Variants in AQP6 observed in about 807,000 individuals in gnomAD.
AQP6 encodes the protein aquaporin-6.
A neutral mutation model predicts 16.3 loss-of-function variants in AQP6; 14 were observed. That is an observed-to-expected ratio of 0.86 (90% confidence interval 0.57 to 1.34). The LOEUF is 1.34. Among genes scored for constraint, AQP6 ranks in the 40% most tolerant of loss-of-function variants. AQP6 has a pLI of 0.00. For synonymous variants in AQP6, 178 were observed against 166.8 expected (o/e 1.07, Z -0.52); for missense variants, 331 against 379.7 (o/e 0.87, Z 1.07).
Position 49,975,658 on chromosome 12 carries a change from T to C in AQP6, c.836T>C (p.Met279Thr). ...ESQPGSGAVE[M>T]ESV ...CAGCCGGGTTCGGGAGCCGTGGAGA[T>C]GGAGAGTGTGTGAAACAGCCTACGC... is the stretch of plus-strand genomic sequence containing the variant. The change falls in exon 4 of 4, where the codon ATG (methionine) becomes ACG (threonine). Residue 279 changes from methionine to threonine, a missense_variant. Physicochemically the swap from Met to Thr is moderately conservative, Grantham distance 81 (BLOSUM62 -1). Transcript: ENST00000315520. This position sits in a 1 kb window ranked among gnomAD's most constrained non-coding sequence, Gnocchi z 4.4. The C allele has an allele frequency of 6.4e-7, 1 of 1,574,318 alleles. No homozygotes were observed. The highest frequency in any genetic ancestry group is 8.6e-7 in the Non-Finnish European group (1 of 1,165,174).
At chr12:49,973,655 C>T (rs1184300252) in intron 1 of AQP6, 80 bp downstream of exon 1, 17 of 1,463,430 alleles carry the variant, frequency 1.2e-5, no homozygotes, top group Non-Finnish European at 1.4e-5. Context: ...AGGACGGAGG[C>T]GAGGGAGCAA....
In AQP6 at chr12:49,974,401, C is replaced by T. The variant is rs776295486; in HGVS notation, c.480C>T (p.Phe160=). The T allele has an allele frequency of 1.1e-5, 17 of 1,613,730 alleles. No individual in the cohort carries two copies. The highest frequency in any genetic ancestry group is 3.3e-4 in the Middle Eastern group (2 of 6,084). The change falls in exon 2 of 4, where the codon TTC becomes TTT. Residue 160 remains phenylalanine, a synonymous_variant. Transcript: ENST00000315520. ...LLTLQLVLCV[F]ASTDSRQTSG... ...CCCTGCAGCTGGTGCTCTGTGTCTT[C>T]GCTTCCACCGACAGCCGTCAGACAT...
At chr12:49,974,093 G>A (rs1252977496) in intron 1 of AQP6, 2 of 1,247,938 alleles carry the variant, frequency 1.6e-6, no homozygotes, top group Non-Finnish European at 1.0e-6. Flanking sequence ...CTGAACCACT[G>A]GCCCCAACCA....
rs1947576524 is a variant in AQP6 at position 49,976,670 on chromosome 12, A to C, written c.*999A>C. 7.8e-6 allele frequency: 3 copies of C among 387,090 alleles called. No individual in the cohort carries two copies. The South Asian group carries it at 1.5e-4, about 19-fold the overall frequency. 24.0% of individuals were successfully genotyped at this position (387,090 alleles called of 1,614,324 possible). A position where few individuals can be genotyped will look rare whatever the true frequency, so the allele number is the denominator to read the frequency against. On this transcript the variant is annotated 3_prime_UTR_variant, in exon 4 of 4. Coordinates refer to ENST00000315520, the MANE Select transcript of AQP6 (RefSeq NM_001652.4). Reference sequence around the variant, plus strand: ...GGATAGAGGAAGGGAGGTTTGAGCCAGACAGGCCTTTCCCAGGGAAGCCTC... The same window carrying C: ...GGATAGAGGAAGGGAGGTTTGAGCCCGACAGGCCTTTCCCAGGGAAGCCTC...
At chr12:49,974,004 G>A (rs981487340) in intron 1 of AQP6, 14 of 1,165,462 alleles carry the variant, frequency 1.2e-5, no homozygotes, top group Admixed American at 4.2e-5. Flanking sequence ...TCTCCATTTC[G>A]TAACCATCTG....
chr12:49,973,201 G>A lies in AQP6; in HGVS notation c.28G>A (p.Gly10Ser), dbSNP rs149436032. ...GGATGCAGTGGAGCCAGGGGGACGT[G>A]GCTGGGCCAGCATGTTGGCGTGCAG... is the stretch of plus-strand genomic sequence containing the variant. MDAVEPGGR[G>S]WASMLACRLW... The change falls in exon 1 of 4, where the codon GGC becomes AGC. Residue 10 changes from glycine (G) to serine (S), a missense_variant. Coordinates refer to ENST00000315520, the MANE Select transcript of AQP6 (RefSeq NM_001652.4). 13 of 1,611,404 alleles carry A rather than the reference G, an allele frequency of 8.1e-6. No individual in the cohort carries two copies. The African/African-American group carries it at 1.6e-4, about 20-fold the overall frequency.
intron 1 of AQP6, chr12:49,973,777 C>A: frequency 9.3e-7 from 1 of 1,080,718 alleles, no homozygotes; most frequent in Non-Finnish European, 1.3e-6. Flanking sequence ...GATAGTGGCG[C>A]GAAGAACAGG....
At position 49,975,262 on chromosome 12, in the gene AQP6, G is replaced by C. The variant is rs1947562778; in HGVS notation, c.643-203G>C. On this transcript the variant is annotated intron_variant, in intron 3 of 3. Coordinates refer to ENST00000315520, the MANE Select transcript of AQP6 (RefSeq NM_001652.4). The surrounding 1 kb of genome is among the most constrained non-coding windows in gnomAD (Gnocchi z 4.4). ...CTGCAGAGCCTGGGCTCAGCCCCAG[G>C]GAGGGCAGGGAGAGCAAGGGGCAAG... The C allele has an allele frequency of 2.2e-6, 3 of 1,360,402 alleles. No individual in the cohort carries two copies. In the African/African-American group the frequency reaches 4.4e-5, roughly 20 times the overall value. The allele number at this position is 1,360,402 out of a possible 1,614,324, so 84.3% of individuals were successfully genotyped here.
Position 49,973,405 on chromosome 12 carries a change from G to A in AQP6, c.232G>A (p.Gly78Arg), listed in dbSNP as rs778196962. The A allele has an allele frequency of 2.4e-5, 38 of 1,612,722 alleles. No homozygotes were observed. In the South Asian group the frequency reaches 3.1e-4, roughly 13 times the overall value. ...MAVQVTWKAS[G>R]AHANPAVTLA... ...TGTGCAGGTCACCTGGAAGGCCAGC[G>A]GGGCCCACGCCAACCCCGCCGTGAC... The change falls in exon 1 of 4, where the codon GGG becomes AGG. Residue 78 changes from glycine to arginine, a missense_variant. Gly to Arg is a moderately radical substitution (Grantham distance 125, BLOSUM62 -2). Coordinates refer to ENST00000315520, the MANE Select transcript of AQP6 (RefSeq NM_001652.4).
intron 1 of AQP6, chr12:49,974,066 C>T: frequency 8.1e-7 from 1 of 1,237,548 alleles, no homozygotes; most frequent in Non-Finnish European, 1.0e-6. Flanking sequence ...CTGCCAGTCT[C>T]CTCTCAAGCA....
At position 49,973,496 on chromosome 12, in the gene AQP6, T is replaced by TGGTGGGGGCCAC. The variant is rs758638227; in HGVS notation, c.333_344dup (p.Thr112_Ala115dup). 6.2e-7 allele frequency: 1 copy of TGGTGGGGGCCAC among 1,613,828 alleles called. No homozygotes were observed. The highest frequency in any genetic ancestry group is 2.2e-5 in the East Asian group (1 of 44,874). ...GCTGTGGCCTATGTGGCTGCCCAGC[T>TGGTGGGGGCCAC]GGTGGGGGCCACGGTGGGGGCTGCT... On this transcript the variant is annotated inframe_insertion, in exon 1 of 4. Coordinates refer to ENST00000315520, the MANE Select transcript of AQP6 (RefSeq NM_001652.4).
rs1457933743 is a variant in AQP6 at position 49,975,507 on chromosome 12, C to G, written c.685C>G (p.Leu229Val). ...CCTGATGGGAGCCCTCCTGGCCTCA[C>G]TGATCTACAACTTCGTCCTGTTCCC... ...GPLMGALLAS[L>V]IYNFVLFPDT... The change falls in exon 4 of 4, where the codon CTG becomes GTG. Residue 229 changes from leucine (L) to valine (V), a missense_variant. Coordinates refer to ENST00000315520, the MANE Select transcript of AQP6 (RefSeq NM_001652.4). This position sits in a 1 kb window ranked among gnomAD's most constrained non-coding sequence, Gnocchi z 4.4. The G allele has an allele frequency of 6.0e-5, 96 of 1,612,616 alleles. No homozygotes were observed. Among genetic ancestry groups the G allele is most frequent in the Non-Finnish European group, 7.9e-5 (93 of 1,179,552 alleles).
Position 49,975,637 on chromosome 12 carries a change from CG to C in AQP6, c.818del (p.Gly273ValfsTer62). ...GAGCCCCTGAAGAAGGAATCCCAGC[CG>C]GGTTCGGGAGCCGTGGAGATGGAGA... ...GAEPLKKESQ[P>X]GSGAVEMESV On this transcript the variant is annotated frameshift_variant, in exon 4 of 4. Transcript: ENST00000315520. LOFTEE classifies it high-confidence loss of function. This position sits in a 1 kb window ranked among gnomAD's most constrained non-coding sequence, Gnocchi z 4.4. 1.3e-6 allele frequency: 2 copies of C among 1,589,990 alleles called. No homozygotes were observed. The highest frequency in any genetic ancestry group is 1.7e-6 in the Non-Finnish European group (2 of 1,172,106).
rs1445183103 is a variant in AQP6 at position 49,974,407 on chromosome 12, CACCG to C, written c.489_492del (p.Asp164AlafsTer11). On this transcript the variant is annotated frameshift_variant, in exon 2 of 4. Transcript: ENST00000315520. LOFTEE classifies it high-confidence loss of function. Reference sequence around the variant, plus strand: ...AGCTGGTGCTCTGTGTCTTCGCTTCCACCGACAGCCGTCAGACATCAGGCTCCCC... The same window carrying C: ...AGCTGGTGCTCTGTGTCTTCGCTTCCACAGCCGTCAGACATCAGGCTCCCC... 6.2e-7 allele frequency: 1 copy of C among 1,613,772 alleles called. No individual in the cohort carries two copies. The highest frequency in any genetic ancestry group is 8.5e-7 in the Non-Finnish European group (1 of 1,179,844).
Position 49,973,709 on chromosome 12 carries a change from G to T in AQP6, c.402+134G>T, listed in dbSNP as rs568365062. Reference sequence around the variant, plus strand: ...TGCAGGCTCCACATCCTCCCGGGCTGGGCCCCAGGACCCAGAGGACTGAGA... The same window carrying T: ...TGCAGGCTCCACATCCTCCCGGGCTTGGCCCCAGGACCCAGAGGACTGAGA... On this transcript the variant is annotated intron_variant, in intron 1 of 3. Coordinates refer to ENST00000315520, the MANE Select transcript of AQP6 (RefSeq NM_001652.4). The T allele has an allele frequency of 2.3e-5, 30 of 1,322,016 alleles. No individual in the cohort carries two copies. The African/African-American group carries it at 3.9e-4, about 17-fold the overall frequency. 81.9% of individuals were successfully genotyped at this position (1,322,016 alleles called of 1,614,324 possible).
rs1404856692 is a variant in AQP6, at chr12:49,975,808, C to T, written c.*137C>T. On this transcript the variant is annotated 3_prime_UTR_variant, in exon 4 of 4. Coordinates refer to ENST00000315520, the MANE Select transcript of AQP6 (RefSeq NM_001652.4). This position sits in a 1 kb window ranked among gnomAD's most constrained non-coding sequence, Gnocchi z 4.4. ...GGGCTGGAGGGGACAAGCCCTATCC[C>T]TGGCATTACGTTTCTAGGTAGAATC... 2.6e-6 allele frequency: 3 copies of T among 1,175,646 alleles called. No individual in the cohort carries two copies. The highest frequency in any genetic ancestry group is 3.4e-6 in the Non-Finnish European group (3 of 887,106). 72.8% of individuals were successfully genotyped at this position (1,175,646 alleles called of 1,614,324 possible).
At position 49,975,539 on chromosome 12, in the gene AQP6, C is replaced by G; in HGVS notation, c.717C>G (p.Thr239=). The change falls in exon 4 of 4, where the codon ACC becomes ACG. Residue 239 remains threonine, a synonymous_variant. Transcript: ENST00000315520. This position sits in a 1 kb window ranked among gnomAD's most constrained non-coding sequence, Gnocchi z 4.4. ...LIYNFVLFPD[T]KTLAQRLAIL... is the part of the protein sequence containing the mutation. ...ACAACTTCGTCCTGTTCCCCGACAC[C>G]AAGACCCTGGCGCAGCGGCTGGCTA... 1 of 1,613,860 alleles carries G rather than the reference C, an allele frequency of 6.2e-7. No homozygotes were observed. Among genetic ancestry groups the G allele is most frequent in the Non-Finnish European group, 8.5e-7 (1 of 1,179,910 alleles).
Position 49,973,510 on chromosome 12 carries a change from G to T in AQP6, c.337G>T (p.Val113Leu), listed in dbSNP as rs1490146970. ...YVAAQLVGAT[V>L]GAALLYGVMP... is the part of the protein sequence containing the mutation. ...GGCTGCCCAGCTGGTGGGGGCCACG[G>T]TGGGGGCTGCTCTGCTTTATGGGGT... The change falls in exon 1 of 4, where the codon GTG (valine) becomes TTG (leucine). Residue 113 changes from valine to leucine, a missense_variant. Physicochemically the swap from Val to Leu is conservative, Grantham distance 32 (BLOSUM62 1). Transcript: ENST00000315520. 6.2e-7 allele frequency: 1 copy of T among 1,613,712 alleles called. No individual in the cohort carries two copies. The highest frequency in any genetic ancestry group is 8.5e-7 in the Non-Finnish European group (1 of 1,179,948).
rs375887046 is a variant in AQP6, at chr12:49,975,742, G to A, written c.*71G>A. The stretch of plus-strand genomic sequence containing the variant: ...ACCTGCCTGGAGGTTCTCCCTGGGG[G>A]TGGCGGGAGGGGGAGGCTTGACCTT... On this transcript the variant is annotated 3_prime_UTR_variant, in exon 4 of 4. Transcript: ENST00000315520. The surrounding 1 kb of genome is among the most constrained non-coding windows in gnomAD (Gnocchi z 4.4). 4 of 1,444,368 alleles carry A rather than the reference G, an allele frequency of 2.8e-6. No individual in the cohort carries two copies. Among genetic ancestry groups the A allele is most frequent in the Non-Finnish European group, 3.6e-6 (4 of 1,098,528 alleles). 89.5% of individuals were successfully genotyped at this position (1,444,368 alleles called of 1,614,324 possible).
Sources: gnomAD v4.1 joint callset for allele counts on GRCh38, gnomAD v4.1.1 for gene constraint, Gnocchi (gnomAD v3.1) non-coding constraint, MANE v1.5 for transcripts, NCBI Gene and HGNC (gene_info 2026-07-23, HGNC 2026-07-21) for gene names.